KLF12: variants seen among roughly 807,000 people sequenced by gnomAD.
KLF12 encodes the protein KLF transcription factor 12, also known as Krueppel-like factor 12.
In KLF12, 9 loss-of-function variants were observed where a neutral mutation model predicts 37.8. That is an observed-to-expected ratio of 0.24 (90% CI 0.14 to 0.42). KLF12 has a LOEUF of 0.42. Among genes scored for constraint, KLF12 ranks in the 10% least tolerant of loss-of-function variants. KLF12 has a pLI of 1.00. For synonymous variants in KLF12, 208 were observed against 202.1 expected, an observed-to-expected ratio of 1.03 and a Z score of -0.25; for missense variants, 411 against 516.0, an observed-to-expected ratio of 0.80 and a Z score of 1.97.
intron 7 of KLF12, among the ~76,000 whole-genome samples, chr13:73,701,378 C>G (rs1412731682): frequency 6.6e-6 from 1 of 152,180 alleles, no homozygotes; most frequent in Non-Finnish European, 1.5e-5. Flanking sequence ...TTATTCAAAA[C>G]TATTTTCTCT....
At chr13:74,015,363 TG>T (rs1380235296) in intron 1 of KLF12, among the ~76,000 whole-genome samples, 1 of 152,172 alleles carries the variant, frequency 6.6e-6, no homozygotes, top group African/African-American at 2.4e-5. Flanking sequence ...ATATAAATGA[TG>T]AGTAATAACA....
chr13:74,282,602 G>A, the KLF12 span, among the ~76,000 whole-genome samples: 1 of 152,190 alleles, frequency 6.6e-6, no homozygotes, highest in Admixed American at 6.5e-5. Flanking sequence ...GAGAGGCTGT[G>A]TGATGGAAAT....
intron 3 of KLF12, among the ~76,000 whole-genome samples, chr13:73,885,353 G>A (rs1014383208): frequency 6.6e-6 from 1 of 152,160 alleles, no homozygotes; most frequent in Admixed American, 6.5e-5. Flanking sequence ...CAATTCATAA[G>A]TGAGAACTTT....
At chr13:73,704,083 T>C (rs1376669644) in intron 7 of KLF12, among the ~76,000 whole-genome samples, 3 of 152,230 alleles carry the variant, frequency 2.0e-5, no homozygotes, top group Non-Finnish European at 4.4e-5. Flanking sequence ...GGTTACTTTT[T>C]CCTTGGTTTC....
chr13:73,998,709 T>C (rs533712958), intron 1 of KLF12, among the ~76,000 whole-genome samples: 3 of 152,374 alleles, frequency 2.0e-5, no homozygotes, highest in Non-Finnish European at 2.9e-5. Flanking sequence ...AAGTTTGCCT[T>C]GCTCTGCGCA....
At chr13:74,026,566 TAC>T (rs1200787058) in intron 1 of KLF12, among the ~76,000 whole-genome samples, 1 of 152,316 alleles carries the variant, frequency 6.6e-6, no homozygotes, top group Non-Finnish European at 1.5e-5. Flanking sequence ...CCATGTTAGA[TAC>T]AGTTACATGA....
At chr13:74,177,997 C>A in the KLF12 span, among the ~76,000 whole-genome samples, 4 of 152,278 alleles carry the variant, frequency 2.6e-5, no homozygotes, top group Admixed American at 2.0e-4. Context: ...GTCTTAAATG[C>A]ATTAGGGGTT....
chr13:73,777,319 T>C (rs932151264), intron 5 of KLF12, among the ~76,000 whole-genome samples: 2 of 152,224 alleles, frequency 1.3e-5, no homozygotes, highest in Admixed American at 1.3e-4. Flanking sequence ...GAAGGTACAA[T>C]GTCCTTGATG....
chr13:74,256,465 G>A, the KLF12 span, among the ~76,000 whole-genome samples: 1 of 152,024 alleles, frequency 6.6e-6, no homozygotes, highest in African/African-American at 2.4e-5. Context: ...GGGTGGGACT[G>A]TATTAGGGAC....
At chr13:73,800,670 AATC>A (rs1342186585) in intron 5 of KLF12, 16 of 152,076 alleles carry the variant, frequency 1.1e-4, no homozygotes, top group Non-Finnish European at 1.6e-4. Flanking sequence ...TTGACAAAAT[AATC>A]ATTTTACCTA....
intron 3 of KLF12, among the ~76,000 whole-genome samples, chr13:73,935,491 C>T (rs143263207): frequency 6.6e-5 from 10 of 152,072 alleles, no homozygotes; most frequent in Middle Eastern, 3.4e-3. Flanking sequence ...GTCATGGGGG[C>T]GGATCCCTCA....
the KLF12 span, among the ~76,000 whole-genome samples, chr13:74,279,963 A>C: frequency 1.3e-5 from 2 of 152,166 alleles, no homozygotes; most frequent in Admixed American, 1.3e-4. Context: ...AGCACAGAGG[A>C]CCAGAAGTGT....
chr13:74,115,641 G>A (rs1658732461), intron 1 of KLF12, among the ~76,000 whole-genome samples: 5 of 151,098 alleles, frequency 3.3e-5, no homozygotes. Flanking sequence ...GGGGACAGAG[G>A]TTGCAGTGAG....
intron 1 of KLF12, among the ~76,000 whole-genome samples, chr13:74,083,497 C>G (rs1269379742): frequency 1.6e-5 from 1 of 61,136 alleles, no homozygotes; most frequent in African/African-American, 5.1e-5. Context: ...ATAGGAGACA[C>G]ACACACACAC....
intron 1 of KLF12, among the ~76,000 whole-genome samples, chr13:74,054,788 C>G: frequency 6.6e-6 from 1 of 152,126 alleles, no homozygotes; most frequent in East Asian, 1.9e-4. Flanking sequence ...ATTGCTTGTA[C>G]CTCATTTTCC....
chr13:73,842,077 C>CCT (rs1419442487), intron 4 of KLF12, among the ~76,000 whole-genome samples: 1 of 152,146 alleles, frequency 6.6e-6, no homozygotes, highest in African/African-American at 2.4e-5. Flanking sequence ...TCTAGCCTCA[C>CCT]TAGAAGGCAT....
At chr13:73,868,047 A>G (rs1444156885) in intron 3 of KLF12, among the ~76,000 whole-genome samples, 5 of 146,848 alleles carry the variant, frequency 3.4e-5, no homozygotes, top group Non-Finnish European at 3.0e-5. Flanking sequence ...GAAAAAAAAA[A>G]TGCTGGGTGT....
At chr13:74,128,390 G>A (rs921225292) in intron 1 of KLF12, among the ~76,000 whole-genome samples, 1 of 98,798 alleles carries the variant, frequency 1.0e-5, no homozygotes, top group African/African-American at 2.5e-5. Flanking sequence ...TATGGCTGGA[G>A]TGCTTTTCCT....
At chr13:73,894,569 C>A (rs1394320050) in intron 3 of KLF12, among the ~76,000 whole-genome samples, 1 of 152,188 alleles carries the variant, frequency 6.6e-6, no homozygotes, top group East Asian at 1.9e-4. Flanking sequence ...CTACTAAACT[C>A]ATCATTTAAC....
Sources: allele counts gnomAD v4.1 joint callset (sites outside exome capture counted in the v4.1 genomes callset), GRCh38; gene constraint gnomAD v4.1.1; transcripts MANE v1.5; gene names NCBI Gene and HGNC (gene_info 2026-07-23, HGNC 2026-07-21).